MTCL3: variants seen among roughly 807,000 people sequenced by gnomAD.
The protein encoded by MTCL3 is microtubule cross-linking factor 3.
chr6:127,481,257 A>G, the MTCL3 span: 3 of 966,802 alleles, frequency 3.1e-6, no homozygotes, highest in Non-Finnish European at 3.7e-6. Flanking sequence ...GGTAGGAAAG[A>G]AGATTCATGG....
the MTCL3 span, chr6:127,473,225 G>C: frequency 7.0e-7 from 1 of 1,430,906 alleles, no homozygotes; most frequent in Non-Finnish European, 9.2e-7. Flanking sequence ...TGTCTTGAAG[G>C]GTGAACAAAA....
chr6:127,489,045 T>C, the MTCL3 span, among the ~76,000 whole-genome samples: 1 of 152,230 alleles, frequency 6.6e-6, no homozygotes, highest in Non-Finnish European at 1.5e-5. Flanking sequence ...AAACTCTGCA[T>C]TGAGCAGGTC....
chr6:127,506,875 G>A, the MTCL3 span, among the ~76,000 whole-genome samples: 3 of 152,194 alleles, frequency 2.0e-5, no homozygotes, highest in African/African-American at 4.8e-5. Flanking sequence ...CACCACGCCC[G>A]GCCTCAAATC....
the MTCL3 span, chr6:127,515,751 G>A: frequency 3.1e-5 from 50 of 1,599,866 alleles, no homozygotes; most frequent in Admixed American, 5.0e-5. This position sits in a 1 kb window ranked among gnomAD's most constrained non-coding sequence, Gnocchi z 4.3. Flanking sequence ...GGGAGCTGCG[G>A]CTACTGCTGC....
the MTCL3 span, among the ~76,000 whole-genome samples, chr6:127,507,345 G>A: frequency 1.2e-4 from 18 of 152,218 alleles, no homozygotes; most frequent in African/African-American, 4.3e-4. Flanking sequence ...GTGCCATGCT[G>A]TCCTGTATTT....
At chr6:127,516,405 A>G in the MTCL3 span, 7 of 1,600,452 alleles carry the variant, frequency 4.4e-6, no homozygotes, top group Non-Finnish European at 5.9e-6. Flanking sequence ...GCTGCTGCCG[A>G]ACAGAATTGA....
At chr6:127,513,696 G>A in the MTCL3 span, among the ~76,000 whole-genome samples, 3 of 152,182 alleles carry the variant, frequency 2.0e-5, no homozygotes, top group East Asian at 5.8e-4. Flanking sequence ...GCAGACTGGT[G>A]TAGAGGCTTA....
the MTCL3 span, among the ~76,000 whole-genome samples, chr6:127,482,029 G>C: frequency 6.6e-6 from 1 of 152,142 alleles, no homozygotes; most frequent in Non-Finnish European, 1.5e-5. This position sits in a 1 kb window ranked among gnomAD's most constrained non-coding sequence, Gnocchi z 4.1. Context: ...TACTCTATAT[G>C]GTCTAAAAAG....
chr6:127,519,091 G>T, the MTCL3 span: 1 of 152,224 alleles, frequency 6.6e-6, no homozygotes, highest in African/African-American at 2.4e-5. Context: ...AAAAAGGCCA[G>T]AGCCACGCCC....
the MTCL3 span, among the ~76,000 whole-genome samples, chr6:127,478,808 G>A: frequency 6.6e-6 from 1 of 152,042 alleles, no homozygotes; most frequent in Non-Finnish European, 1.5e-5. Context: ...CACAAGGTCA[G>A]GAGCTCGAAA....
the MTCL3 span, chr6:127,513,095 T>C: frequency 1.3e-6 from 2 of 1,492,386 alleles, no homozygotes; most frequent in African/African-American, 1.4e-5. Flanking sequence ...AATGACAATA[T>C]AATAAGGGCT....
chr6:127,516,402 C>T, the MTCL3 span: 8 of 1,600,614 alleles, frequency 5.0e-6, no homozygotes, highest in Middle Eastern at 1.2e-3. Flanking sequence ...GCTGCTGCTG[C>T]CGAACAGAAT....
chr6:127,473,681 C>T, the MTCL3 span, among the ~76,000 whole-genome samples: 4 of 152,072 alleles, frequency 2.6e-5, no homozygotes, highest in African/African-American at 7.2e-5. Flanking sequence ...GATAAATAAG[C>T]GATAGGGCTG....
At chr6:127,516,230 C>CG in the MTCL3 span, 1 of 1,433,216 alleles carries the variant, frequency 7.0e-7, no homozygotes, top group Non-Finnish European at 9.1e-7. Flanking sequence ...AGGGTCGCGG[C>CG]GGGGGCCGCT....
the MTCL3 span, among the ~76,000 whole-genome samples, chr6:127,493,293 A>G: frequency 3.3e-5 from 5 of 152,224 alleles, no homozygotes; most frequent in Admixed American, 6.5e-5. Context: ...CGATTTTCCA[A>G]ACTTACAGTG....
chr6:127,502,971 TTCTG>T, the MTCL3 span, among the ~76,000 whole-genome samples: 1 of 152,210 alleles, frequency 6.6e-6, no homozygotes, highest in Non-Finnish European at 1.5e-5. Flanking sequence ...AAGATTCCCT[TTCTG>T]TAAGATAAAA....
the MTCL3 span, chr6:127,476,369 A>G: frequency 6.2e-7 from 1 of 1,614,126 alleles, no homozygotes; most frequent in Non-Finnish European, 8.5e-7. This position sits in a 1 kb window ranked among gnomAD's most constrained non-coding sequence, Gnocchi z 4.4. Context: ...TCGTGTTCAA[A>G]TCTGTCCTTT....
chr6:127,514,878 G>A, the MTCL3 span: 1 of 1,614,092 alleles, frequency 6.2e-7, no homozygotes, highest in Non-Finnish European at 8.5e-7. Flanking sequence ...CCCGGTCTGG[G>A]CGTAGCGGAG....
the MTCL3 span, among the ~76,000 whole-genome samples, chr6:127,497,282 C>A: frequency 2.6e-5 from 4 of 152,098 alleles, no homozygotes; most frequent in African/African-American, 9.7e-5. Flanking sequence ...ACTGCACAGA[C>A]AATACTGTAG....
Sources: allele counts gnomAD v4.1 joint callset (sites outside exome capture counted in the v4.1 genomes callset), GRCh38; gene constraint gnomAD v4.1.1; non-coding constraint Gnocchi (gnomAD v3.1); transcripts MANE v1.5; gene names NCBI Gene and HGNC (gene_info 2026-07-23, HGNC 2026-07-21).